PIK3R1: variants seen among roughly 807,000 people sequenced by gnomAD.
PIK3R1 encodes phosphatidylinositol 3-kinase regulatory subunit alpha.
PIK3R1 carries 29 observed loss-of-function variants against 98.0 expected under a neutral mutation model. That is an observed-to-expected ratio of 0.30 (90% confidence interval 0.22 to 0.40). The LOEUF (loss-of-function observed/expected upper bound fraction) is 0.40. Ranked by LOEUF, PIK3R1 falls within the 10% of genes least tolerant of loss-of-function variation. The pLI, the probability that PIK3R1 is intolerant of heterozygous loss-of-function variation, is 1.00. For synonymous variants in PIK3R1, 282 were observed against 311.8 expected (o/e 0.90, Z 1.01); for missense variants, 596 against 872.7 (o/e 0.68, Z 3.99).
chr5:68,279,259 A>G (rs1017708015), intron 4 of PIK3R1, among the ~76,000 whole-genome samples: 3 of 152,114 alleles, frequency 2.0e-5, no homozygotes, highest in African/African-American at 7.2e-5. Context: ...GTAGGTAACC[A>G]CTGAAGATGC....
At chr5:68,293,963 CATT>C (rs1201342208) in intron 11 of PIK3R1, 129 bp downstream of exon 11, 5 of 721,880 alleles carry the variant, frequency 6.9e-6, no homozygotes, top group South Asian at 3.9e-5. Flanking sequence ...ATTTGTGAAT[CATT>C]GTTGATTATT....
At position 68,294,519 on chromosome 5, in the gene PIK3R1, T is replaced by C; in HGVS notation, c.1426-17T>C. 6.3e-7 allele frequency: 1 copy of C among 1,586,462 alleles called. No homozygotes were observed. The highest frequency in any genetic ancestry group is 1.4e-5 in the African/African-American group (1 of 73,810). On this transcript the variant is annotated splice_polypyrimidine_tract_variant and intron_variant, in intron 11 of 15. Transcript: ENST00000521381. Reference sequence around the variant, plus strand: ...CTATGAAAGGTATGACATTATCTTTTTAAAATTATGTTGCAGGAAATCCAA... The same window carrying C: ...CTATGAAAGGTATGACATTATCTTTCTAAAATTATGTTGCAGGAAATCCAA...
chr5:68,285,247 T>G (rs1343205737), intron 7 of PIK3R1, among the ~76,000 whole-genome samples: 1 of 152,208 alleles, frequency 6.6e-6, no homozygotes, highest in East Asian at 1.9e-4. Context: ...CCCCTTGCCC[T>G]TCTACACCTG....
intron 4 of PIK3R1, 43 bp downstream of exon 4, chr5:68,274,056 C>G: frequency 1.4e-6 from 2 of 1,465,454 alleles, no homozygotes; most frequent in South Asian, 1.1e-5. Flanking sequence ...AAAGACAGGT[C>G]TTGGCTTTCT....
chr5:68,273,812 A>C, intron 3 of PIK3R1, 127 bp from the exon 4 acceptor site: 1 of 768,246 alleles, frequency 1.3e-6, no homozygotes, highest in South Asian at 1.7e-5. Context: ...GTTGACTTCC[A>C]AGAATATTTG....
intron 2 of PIK3R1, among the ~76,000 whole-genome samples, chr5:68,246,561 C>T (rs1321124663): frequency 6.6e-6 from 1 of 152,224 alleles, no homozygotes; most frequent in Non-Finnish European, 1.5e-5. Context: ...GGTCCATCCG[C>T]TTCAGCCTCC....
intron 2 of PIK3R1, among the ~76,000 whole-genome samples, chr5:68,236,046 T>C (rs538652860): frequency 1.7e-4 from 25 of 150,954 alleles, no homozygotes; most frequent in African/African-American, 5.6e-4. Flanking sequence ...AATTTTTGTA[T>C]TTTTAGTAGA....
chr5:68,268,407 T>C (rs751936023), intron 2 of PIK3R1, among the ~76,000 whole-genome samples: 6 of 152,204 alleles, frequency 3.9e-5, no homozygotes, highest in Non-Finnish European at 8.8e-5. Context: ...AGGGTGTTAA[T>C]CATTACAAGC....
At chr5:68,246,895 A>G (rs1472398599) in intron 2 of PIK3R1, among the ~76,000 whole-genome samples, 1 of 43,858 alleles carries the variant, frequency 2.3e-5, no homozygotes, top group Non-Finnish European at 4.2e-5. Flanking sequence ...CAAATAGCTC[A>G]TTAGTAAGAG....
chr5:68,295,239 G>A lies in PIK3R1; in HGVS notation c.1660G>A (p.Ala554Thr), dbSNP rs2112275569. 2.5e-6 allele frequency: 4 copies of A among 1,614,094 alleles called. No individual in the cohort carries two copies. Among genetic ancestry groups the A allele is most frequent in the East Asian group, 2.2e-5 (1 of 44,870 alleles). ...RLEEDLKKQAAEYREIDKRMN... is the reference protein window; with the variant it reads ...RLEEDLKKQATEYREIDKRMN... ...GGAAGAAGACTTGAAGAAGCAGGCA[G>A]CTGAGTATCGAGAAATTGACAAACG... Residue 554 changes from alanine (A) to threonine (T), a missense_variant, in exon 13 of 16, where the codon GCT (alanine) becomes ACT (threonine). Ala to Thr is a moderately conservative substitution (Grantham distance 58). Coordinates refer to ENST00000521381, the MANE Select transcript of PIK3R1 (RefSeq NM_181523.3).
Position 68,215,942 on chromosome 5 carries a change from C to A in PIK3R1, c.-394C>A, listed in dbSNP as rs1489409723. Reference sequence around the variant, plus strand: ...GGGCCCCGCAGAGGAAGGAAGCCGGCGGGCGGGGTAGGTAGGCAGCAGCAG... The same window carrying A: ...GGGCCCCGCAGAGGAAGGAAGCCGGAGGGCGGGGTAGGTAGGCAGCAGCAG... On this transcript the variant is annotated 5_prime_UTR_variant, in exon 1 of 16. Transcript: ENST00000521381. 1 of 153,042 alleles carries A rather than the reference C, an allele frequency of 6.5e-6. No individual in the cohort carries two copies. Among genetic ancestry groups the A allele is most frequent in the Non-Finnish European group, 1.5e-5 (1 of 68,838 alleles). The allele number at this position is 153,042 out of a possible 1,614,324, so 9.5% of individuals were successfully genotyped here.
chr5:68,243,529 T>A (rs1744947483), intron 2 of PIK3R1, among the ~76,000 whole-genome samples: 1 of 152,244 alleles, frequency 6.6e-6, no homozygotes, highest in Non-Finnish European at 1.5e-5. Context: ...AGTCCTGTTC[T>A]ACCAAATTTG....
At chr5:68,221,183 AT>A (rs1323877471) in intron 1 of PIK3R1, among the ~76,000 whole-genome samples, 1 of 152,220 alleles carries the variant, frequency 6.6e-6, no homozygotes, top group Non-Finnish European at 1.5e-5. Context: ...AGAACCAAAT[AT>A]ACTTCTGTTG....
chr5:68,254,561 T>TA (rs1174587185), intron 2 of PIK3R1, among the ~76,000 whole-genome samples: 9 of 152,342 alleles, frequency 5.9e-5, no homozygotes, highest in African/African-American at 2.2e-4. Context: ...AAGCCTTCAA[T>TA]AAACAGTGAC....
intron 4 of PIK3R1, among the ~76,000 whole-genome samples, chr5:68,276,401 G>A (rs1746572666): frequency 6.6e-6 from 1 of 152,182 alleles, no homozygotes; most frequent in Non-Finnish European, 1.5e-5. Context: ...ACTCCCACTG[G>A]GAACCACTAA....
At position 68,272,080 on chromosome 5, in the gene PIK3R1, G is replaced by A. The variant is rs143478227; in HGVS notation, c.335-1310G>A. Among the ~76,000 whole-genome samples the A allele has an allele frequency of 2.4e-4, 37 of 151,654 alleles. No homozygotes were observed. The East Asian group carries it at 5.0e-3, about 21-fold the overall frequency. On this transcript the variant is annotated intron_variant, in intron 2 of 15. Transcript: ENST00000521381. ...AGCCTGGGCAATATGGCAAAACCCC[G>A]TCTCTACTAAAAATATACAAAAAAT...
chr5:68,223,377 T>C (rs1469560091), intron 1 of PIK3R1, among the ~76,000 whole-genome samples: 2 of 152,148 alleles, frequency 1.3e-5, no homozygotes, highest in East Asian at 3.9e-4. Context: ...CTCCTTTTTT[T>C]TTTTTTTCCA....
chr5:68,295,502 A>T lies in PIK3R1; in HGVS notation c.1814+14A>T, dbSNP rs377756284. 8.7e-6 allele frequency: 14 copies of T among 1,607,392 alleles called. No individual in the cohort carries two copies. Among genetic ancestry groups the T allele is most frequent in the Non-Finnish European group, 8.5e-7 (1 of 1,174,040 alleles). On this transcript the variant is annotated intron_variant, in intron 14 of 15. Transcript: ENST00000521381. ...AAACACTGAAGAGTAAGTAGTTACT[A>T]AAGATGGTGATAGCAGAAGATTTTT...
chr5:68,293,675 ACCTT>A lies in PIK3R1; in HGVS notation c.1300-33_1300-30del, dbSNP rs1747520026. On this transcript the variant is annotated intron_variant, in intron 10 of 15. Transcript: ENST00000521381. ...TTAAACAATTGTTATTTGATTAAAT[ACCTT>A]ATCCATTGAATTTATTTTAATCTTT... is the stretch of plus-strand genomic sequence containing the variant. The A allele has an allele frequency of 9.0e-6, 12 of 1,331,918 alleles. No individual in the cohort carries two copies. The East Asian group carries it at 2.8e-4, about 31-fold the overall frequency. 82.5% of individuals were successfully genotyped at this position (1,331,918 alleles called of 1,614,324 possible).
Sources: gnomAD v4.1 joint callset for allele counts (sites outside exome capture counted in the v4.1 genomes callset) on GRCh38, gnomAD v4.1.1 for gene constraint, MANE v1.5 for transcripts, NCBI Gene and HGNC (gene_info 2026-07-23, HGNC 2026-07-21) for gene names.